The following RIT2 variants were observed in gnomAD, a reference collection of about 807,000 sequenced individuals.
RIT2 encodes Ras like without CAAX 2.
A neutral mutation model predicts 23.7 loss-of-function variants in RIT2; 24 were observed. The observed-to-expected ratio is 1.01, with a 90% confidence interval of 0.73 to 1.43. RIT2 has a LOEUF of 1.43. Ranked by LOEUF, RIT2 falls within the 40% of genes most tolerant of loss-of-function variation. RIT2 has a pLI of 0.00. For synonymous variants in RIT2, 107 were observed against 91.1 expected, an observed-to-expected ratio of 1.17 and a Z score of -0.99; for missense variants, 236 against 266.9, an observed-to-expected ratio of 0.88 and a Z score of 0.81.
chr18:43,058,184 T>C (rs1394107954), intron 1 of RIT2, among the ~76,000 whole-genome samples: 1 of 152,122 alleles, frequency 6.6e-6, no homozygotes, highest in Non-Finnish European at 1.5e-5. Flanking sequence ...TGTTGATGTG[T>C]CCTTTTTTTA....
rs1034550142 is a variant in RIT2 at position 42,951,268 on chromosome 18, T to A, written c.234+22806A>T. Among the ~76,000 whole-genome samples the A allele has an allele frequency of 2.0e-5, 3 of 152,090 alleles. No individual in the cohort carries two copies. In the East Asian group the frequency reaches 5.8e-4, roughly 29 times the overall value. On this transcript the variant is annotated intron_variant, in intron 3 of 4. Transcript: ENST00000326695. Reference sequence around the variant, plus strand: ...AGACATAAAAATAAATGAAATCATGTCCTTTGCAGCAAAAAGGGTGCAGCT... The same window carrying A: ...AGACATAAAAATAAATGAAATCATGACCTTTGCAGCAAAAAGGGTGCAGCT...
chr18:43,021,150 C>A (rs1374978693), intron 2 of RIT2, among the ~76,000 whole-genome samples: 5 of 151,814 alleles, frequency 3.3e-5, no homozygotes, highest in African/African-American at 1.2e-4. Flanking sequence ...ATAATGAACT[C>A]AAAAAACTCA....
chr18:42,997,292 T>C, intron 2 of RIT2, among the ~76,000 whole-genome samples: 1 of 152,138 alleles, frequency 6.6e-6, no homozygotes, highest in East Asian at 1.9e-4. Context: ...TTTTTATTTT[T>C]TTCCTGTTCC....
chr18:42,864,537 G>A (rs987687065), intron 4 of RIT2, among the ~76,000 whole-genome samples: 3 of 152,114 alleles, frequency 2.0e-5, no homozygotes, highest in Admixed American at 1.3e-4. Flanking sequence ...GAATAGCACA[G>A]GAATGGAATT....
At chr18:42,982,719 C>T (rs1910624092) in intron 2 of RIT2, among the ~76,000 whole-genome samples, 1 of 152,034 alleles carries the variant, frequency 6.6e-6, no homozygotes, top group Non-Finnish European at 1.5e-5. Context: ...AGGATAGTGT[C>T]TTTTGAGATT....
intron 2 of RIT2, among the ~76,000 whole-genome samples, chr18:43,012,052 T>A (rs1476860803): frequency 6.6e-6 from 1 of 151,748 alleles, no homozygotes; most frequent in African/African-American, 2.4e-5. Context: ...TCCAACGAAT[T>A]CTGTAACCCT....
chr18:43,031,155 T>A lies in RIT2; in HGVS notation c.160+2656A>T, dbSNP rs538206145. Among the ~76,000 whole-genome samples the A allele has an allele frequency of 1.2e-3, 180 of 152,046 alleles. 1 individual carries two copies. Among genetic ancestry groups the A allele is most frequent in the African/African-American group, 4.2e-3 (174 of 41,500 alleles). ...TGCTGTCTTGTCTCGGTGCCTATAC[T>A]TTTTGTTTTAGCAATCCCTCCTCTT... On this transcript the variant is annotated intron_variant, in intron 2 of 4. Transcript: ENST00000326695.
At chr18:42,922,511 T>G (rs1406278477) in intron 4 of RIT2, among the ~76,000 whole-genome samples, 2 of 152,172 alleles carry the variant, frequency 1.3e-5, no homozygotes, top group African/African-American at 4.8e-5. Flanking sequence ...AAATTTGATT[T>G]GCATGACACT....
intron 4 of RIT2, among the ~76,000 whole-genome samples, chr18:42,848,534 A>G (rs1396076046): frequency 6.6e-6 from 1 of 152,220 alleles, no homozygotes; most frequent in African/African-American, 2.4e-5. Flanking sequence ...GCAGGATTGT[A>G]TATGTATTTA....
intron 3 of RIT2, among the ~76,000 whole-genome samples, chr18:42,937,677 A>T (rs1031510696): frequency 2.0e-5 from 3 of 152,160 alleles, no homozygotes; most frequent in African/African-American, 7.2e-5. Context: ...GCTGGATCTC[A>T]TTTGCTCAAA....
At chr18:43,068,036 G>C (rs761628560) in intron 1 of RIT2, among the ~76,000 whole-genome samples, 25 of 152,094 alleles carry the variant, frequency 1.6e-4, no homozygotes, top group Non-Finnish European at 3.2e-4. Flanking sequence ...GGCTCTAATG[G>C]GAGACACAAT....
intron 3 of RIT2, among the ~76,000 whole-genome samples, chr18:42,948,325 C>G (rs1466929451): frequency 2.6e-5 from 4 of 152,062 alleles, no homozygotes; most frequent in African/African-American, 9.6e-5. Context: ...TGTGGCGGTT[C>G]CAAGTTAACT....
chr18:43,075,945 G>A (rs181247539), intron 1 of RIT2, among the ~76,000 whole-genome samples: 158 of 152,242 alleles, frequency 1.0e-3, no homozygotes, highest in African/African-American at 3.7e-3. Context: ...GGGTATTTGC[G>A]AGATCCTGCA....
chr18:42,770,189 C>T (rs994130019), intron 4 of RIT2, among the ~76,000 whole-genome samples: 4 of 152,094 alleles, frequency 2.6e-5, no homozygotes, highest in Admixed American at 2.6e-4. Context: ...ATTTGGGCCA[C>T]CTGGGCACTG....
chr18:43,015,955 C>T (rs1911465473), intron 2 of RIT2, among the ~76,000 whole-genome samples: 1 of 151,756 alleles, frequency 6.6e-6, no homozygotes, highest in Admixed American at 6.6e-5. Flanking sequence ...CTCCTATGGC[C>T]TCATATATTC....
intron 1 of RIT2, among the ~76,000 whole-genome samples, chr18:43,102,333 A>G (rs1339177194): frequency 6.6e-6 from 1 of 152,064 alleles, no homozygotes; most frequent in African/African-American, 2.4e-5. Context: ...AACATTCTGA[A>G]CTTAGAACCA....
chr18:43,109,906 C>A (rs1913914165), intron 1 of RIT2, among the ~76,000 whole-genome samples: 1 of 152,130 alleles, frequency 6.6e-6, no homozygotes, highest in Admixed American at 6.6e-5. Context: ...TCTCATCTGA[C>A]ATTGGGAACC....
In RIT2 at chr18:42,923,752, T is replaced by C. The variant is rs770814205; in HGVS notation, c.246A>G (p.Thr82=). 11 of 1,590,294 alleles carry C rather than the reference T, an allele frequency of 6.9e-6. No individual in the cohort carries two copies. Among genetic ancestry groups the C allele is most frequent in the Non-Finnish European group, 9.4e-6 (11 of 1,172,612 alleles). The stretch of plus-strand genomic sequence containing the variant: ...CTCGCATGTACTGCTCCCGCATGGC[T>C]GTGAATTCTGCCTGCAGGAAAAAAA... ...ILDTAGQAEF[T]AMREQYMRGG... is the part of the protein sequence containing the mutation. The change falls in exon 4 of 5, where the codon ACA becomes ACG. Residue 82 remains threonine, a synonymous_variant. Coordinates refer to ENST00000326695, the MANE Select transcript of RIT2 (RefSeq NM_002930.4).
At chr18:42,948,047 A>G (rs529434381) in intron 3 of RIT2, among the ~76,000 whole-genome samples, 1 of 152,226 alleles carries the variant, frequency 6.6e-6, no homozygotes, top group South Asian at 2.1e-4. Flanking sequence ...TTTGGAATGC[A>G]GTTTTCAGCA....
Sources: allele counts gnomAD v4.1 joint callset (sites outside exome capture counted in the v4.1 genomes callset), GRCh38; gene constraint gnomAD v4.1.1; transcripts MANE v1.5; gene names NCBI Gene and HGNC (gene_info 2026-07-23, HGNC 2026-07-21).